The following DDX1 variants were observed in gnomAD, a reference collection of about 807,000 sequenced individuals.
DDX1 encodes the protein ATP-dependent RNA helicase DDX1.
DDX1 carries 28 observed loss-of-function variants against 108.7 expected under a neutral mutation model. The ratio of observed to expected loss-of-function variants is 0.26; its 90% confidence interval spans 0.19 to 0.35. DDX1 has a LOEUF of 0.35. Ranked by LOEUF, DDX1 falls within the 10% of genes least tolerant of loss-of-function variation. DDX1 has a pLI of 1.00. For missense variants in DDX1, 710 were observed against 884.5 expected (o/e 0.80, Z 2.50); for synonymous variants, 295 against 288.9 (o/e 1.02, Z -0.21).
intron 25 of DDX1, among the ~76,000 whole-genome samples, 171 bp from the exon 26 acceptor site, chr2:15,630,605 G>A (rs1275776292): frequency 6.6e-6 from 1 of 152,150 alleles, no homozygotes; most frequent in African/African-American, 2.4e-5. Flanking sequence ...TATTTATATT[G>A]AAATAATTGA....
chr2:15,620,149 T>C (rs1665973240), intron 16 of DDX1, 59 bp from the exon 17 acceptor site: 1 of 1,439,450 alleles, frequency 6.9e-7, no homozygotes, highest in Admixed American at 1.8e-5. Flanking sequence ...TCAGTGTTTG[T>C]GTGATTTATT....
chr2:15,595,535 A>G lies in DDX1; in HGVS notation c.114A>G (p.Gly38=). Residue 38 remains glycine (G), a synonymous_variant, in exon 3 of 26, where the codon GGA becomes GGG. Coordinates refer to ENST00000233084, the MANE Select transcript of DDX1 (RefSeq NM_004939.3). ...CTGAATCTATCCCATTGATCTTAGG[A>G]GGAGGTGATGTACTTATGGTAAGTT... is the stretch of plus-strand genomic sequence containing the variant. ...IQAESIPLIL[G]GGDVLMAAET... 19 of 1,609,626 alleles carry G rather than the reference A, an allele frequency of 1.2e-5. No individual in the cohort carries two copies. The highest frequency in any genetic ancestry group is 1.4e-5 in the Non-Finnish European group (17 of 1,175,958).
intron 13 of DDX1, among the ~76,000 whole-genome samples, chr2:15,612,719 T>G (rs1371187037): frequency 6.6e-6 from 1 of 152,142 alleles, no homozygotes; most frequent in Non-Finnish European, 1.5e-5. Flanking sequence ...TGGGCAACAT[T>G]GAGCACTGAG....
At chr2:15,605,822 G>A in intron 10 of DDX1, 128 bp from the exon 11 acceptor site, 2 of 618,942 alleles carry the variant, frequency 3.2e-6, no homozygotes, top group South Asian at 5.4e-5. Flanking sequence ...CTGGCCTTAG[G>A]CAGCACAGTT....
At chr2:15,613,868 C>G (rs1304684762) in intron 14 of DDX1, among the ~76,000 whole-genome samples, 1 of 142,306 alleles carries the variant, frequency 7.0e-6, no homozygotes, top group Non-Finnish European at 1.5e-5. Flanking sequence ...AGGAGTTTCA[C>G]TCTTGTCGCC....
At chr2:15,610,946 G>C (rs1287493885) in intron 13 of DDX1, among the ~76,000 whole-genome samples, 1 of 149,910 alleles carries the variant, frequency 6.7e-6, no homozygotes, top group Non-Finnish European at 1.5e-5. Flanking sequence ...GGATTTGGCA[G>C]GGTCACAGGA....
intron 13 of DDX1, among the ~76,000 whole-genome samples, chr2:15,611,478 C>T (rs1240925506): frequency 6.8e-6 from 1 of 146,194 alleles, no homozygotes; most frequent in Non-Finnish European, 1.5e-5. Context: ...GAGGCTCCCC[C>T]CACCTCCCGG....
At chr2:15,620,496 A>C in intron 17 of DDX1, 100 bp downstream of exon 17, 3 of 890,816 alleles carry the variant, frequency 3.4e-6, no homozygotes, top group Non-Finnish European at 5.1e-6. Context: ...CAGTTATTGT[A>C]TCAAAGAAAA....
intron 13 of DDX1, among the ~76,000 whole-genome samples, chr2:15,612,506 G>A (rs1437531328): frequency 1.3e-5 from 2 of 150,360 alleles, no homozygotes; most frequent in African/African-American, 2.5e-5. Context: ...GGGCAGAGAC[G>A]CTCCTCACTT....
intron 16 of DDX1, among the ~76,000 whole-genome samples, chr2:15,619,145 CCTCT>C (rs1192347270): frequency 6.6e-6 from 1 of 152,156 alleles, no homozygotes; most frequent in African/African-American, 2.4e-5. Context: ...TCTCAGGGCT[CCTCT>C]CTCTCTGCCC....
At position 15,618,234 on chromosome 2, in the gene DDX1, G is replaced by C. The variant is rs1391873446; in HGVS notation, c.1170G>C (p.Gln390His). The C allele has an allele frequency of 1.9e-6, 3 of 1,591,664 alleles. No individual in the cohort carries two copies. Among genetic ancestry groups the C allele is most frequent in the South Asian group, 2.3e-5 (2 of 87,540 alleles). Reference sequence around the variant, plus strand: ...ATTTTATAAATAGGATGCACAATCAGATTCCTCAGGTTACCTCTGATGGAA... The same window carrying C: ...ATTTTATAAATAGGATGCACAATCACATTCCTCAGGTTACCTCTGATGGAA... ...YSDFINRMHN[Q>H]IPQVTSDGKR... The change falls in exon 16 of 26, where the codon CAG becomes CAC. Residue 390 changes from glutamine (Q) to histidine (H), a missense_variant. This residue lies in a region of DDX1 where 661 missense variants were observed against 810.2 expected (regional missense o/e 0.82). Transcript: ENST00000233084.
At position 15,603,244 on chromosome 2, in the gene DDX1, G is replaced by T; in HGVS notation, c.444G>T (p.Gly148=). The part of the protein sequence containing the change: ...SCHDQGLCRV[G]WSTMQASLDL... ...ATGACCAAGGGTTATGCAGGGTCGG[G>T]TGGTCTACCATGCAGGCCTCTTTGG... The change falls in exon 8 of 26, where the codon GGG becomes GGT. Residue 148 remains glycine, a synonymous_variant. Coordinates refer to ENST00000233084, the MANE Select transcript of DDX1 (RefSeq NM_004939.3). 6.2e-7 allele frequency: 1 copy of T among 1,613,610 alleles called. No individual in the cohort carries two copies. The highest frequency in any genetic ancestry group is 8.5e-7 in the Non-Finnish European group (1 of 1,179,686).
At position 15,628,534 on chromosome 2, in the gene DDX1, T is replaced by TA; in HGVS notation, c.1759+18dup. The TA allele has an allele frequency of 1.2e-6, 2 of 1,608,432 alleles. No homozygotes were observed. Among genetic ancestry groups the TA allele is most frequent in the Non-Finnish European group, 1.7e-6 (2 of 1,174,990 alleles). ...TTCCTTATGGTAAAAAGCAACTTTT[T>TA]ATGCCTGTAGTGTGATTGTTACGGA... On this transcript the variant is annotated intron_variant, in intron 21 of 25. Transcript: ENST00000233084.
At position 15,617,245 on chromosome 2, in the gene DDX1, T is replaced by C. The variant is rs768599636; in HGVS notation, c.1019T>C (p.Val340Ala). 1.3e-6 allele frequency: 2 copies of C among 1,550,496 alleles called. No homozygotes were observed. The highest frequency in any genetic ancestry group is 1.2e-5 in the South Asian group (1 of 80,660). The change falls in exon 15 of 26, where the codon GTA (valine) becomes GCA (alanine). Residue 340 changes from valine (V) to alanine (A), a missense_variant and splice_region_variant. This residue lies in a region of DDX1 where 661 missense variants were observed against 810.2 expected (regional missense o/e 0.82). Transcript: ENST00000233084. ...AGTGGTTGGTTTGCTTTTTTTCAGG[T>C]AGATATAGTTGTAGGTACTCCGGGA... ...RDQLSVLENG[V>A]DIVVGTPGRL...
At chr2:15,612,102 C>T (rs1341571110) in intron 13 of DDX1, among the ~76,000 whole-genome samples, 2 of 143,494 alleles carry the variant, frequency 1.4e-5, no homozygotes, top group Non-Finnish European at 3.1e-5. Context: ...ACCCCCCCAC[C>T]TCCCTCCCGG....
intron 14 of DDX1, among the ~76,000 whole-genome samples, chr2:15,616,053 C>T (rs542138943): frequency 2.5e-5 from 3 of 119,046 alleles, no homozygotes; most frequent in East Asian, 6.0e-4. Context: ...CCGCCATGCC[C>T]GGCTAATTTT....
intron 1 of DDX1, 78 bp from the exon 2 acceptor site, chr2:15,595,067 T>G (rs1665477231): frequency 1.7e-6 from 2 of 1,147,610 alleles, no homozygotes; most frequent in African/African-American, 3.1e-5. Flanking sequence ...TTACCCTGTT[T>G]TATGAATAGT....
In DDX1 at chr2:15,594,611, G is replaced by T. The variant is rs576054527; in HGVS notation, c.17-534G>T. 2.6e-5 allele frequency among the ~76,000 whole-genome samples: 4 copies of T among 152,290 alleles called. No homozygotes were observed. In the East Asian group the frequency reaches 7.7e-4, roughly 29 times the overall value. On this transcript the variant is annotated intron_variant, in intron 1 of 25. Coordinates refer to ENST00000233084, the MANE Select transcript of DDX1 (RefSeq NM_004939.3). Reference sequence around the variant, plus strand: ...TGACCCCTCCCTCTTCAGTTATTCAGAATTTTGATTATGGCTGCCAATAAA... The same window carrying T: ...TGACCCCTCCCTCTTCAGTTATTCATAATTTTGATTATGGCTGCCAATAAA...
chr2:15,604,540 AG>A (rs1450958197), intron 10 of DDX1, 31 bp downstream of exon 10: 2 of 1,365,594 alleles, frequency 1.5e-6, no homozygotes, highest in African/African-American at 2.9e-5. Context: ...AGTAGTGAAA[AG>A]ATACATGATA....
Sources: allele counts gnomAD v4.1 joint callset (sites outside exome capture counted in the v4.1 genomes callset), GRCh38; gene constraint gnomAD v4.1.1; regional missense constraint gnomAD v4.1.1; transcripts MANE v1.5; gene names NCBI Gene and HGNC (gene_info 2026-07-23, HGNC 2026-07-21).